THAP12: variants seen among roughly 807,000 people sequenced by gnomAD.
THAP12 encodes the protein THAP domain containing 12.
In THAP12, 20 loss-of-function variants were observed where a neutral mutation model predicts 63.0. The observed-to-expected ratio is 0.32, with a 90% CI of 0.22 to 0.46. THAP12 has a LOEUF of 0.46. Ranked by LOEUF, THAP12 falls within the 20% of genes least tolerant of loss-of-function variation. THAP12 has a pLI of 1.00. For missense variants in THAP12, 568 were observed against 908.2 expected (o/e 0.63, Z 4.81); for synonymous variants, 264 against 328.4 (o/e 0.80, Z 2.12).
chr11:76,354,673 T>C (rs1477958741), intron 4 of THAP12, among the ~76,000 whole-genome samples: 1 of 152,158 alleles, frequency 6.6e-6, no homozygotes, highest in African/African-American at 2.4e-5. Flanking sequence ...AGTGTTACCT[T>C]TTCTAATCCA....
At position 76,365,867 on chromosome 11, in the gene THAP12, A is replaced by G. The variant is rs373244723; in HGVS notation, c.195T>C (p.Ser65=). Residue 65 remains serine (S), a synonymous_variant, in exon 2 of 5, where the codon TCT becomes TCC. Transcript: ENST00000260045. ...TATTACTCACAGTTCTACAGATCAT[A>G]GAGGTCTCAAAATGTTTGGCACATA... is the stretch of plus-strand genomic sequence containing the variant. ...YRLCAKHFET[S]MICRTSPYRT... 6.2e-7 allele frequency: 1 copy of G among 1,612,984 alleles called. No homozygotes were observed. The highest frequency in any genetic ancestry group is 8.5e-7 in the Non-Finnish European group (1 of 1,179,544).
At chr11:76,360,839 C>T (rs1193222964) in intron 3 of THAP12, 117 bp downstream of exon 3, 3 of 698,876 alleles carry the variant, frequency 4.3e-6, no homozygotes, top group Non-Finnish European at 4.8e-6. Flanking sequence ...ATTTATTTCC[C>T]GTTACATTAC....
intron 1 of THAP12, among the ~76,000 whole-genome samples, chr11:76,373,007 T>A (rs1946684829): frequency 6.6e-6 from 1 of 152,212 alleles, no homozygotes; most frequent in Admixed American, 6.5e-5. Flanking sequence ...AGCTAACCTC[T>A]CTGTACCTAC....
In THAP12 at chr11:76,356,781, G is replaced by A. The variant is rs1294515349; in HGVS notation, c.319-1127C>T. 8 of 152,110 alleles carry A rather than the reference G, an allele frequency of 5.3e-5. No homozygotes were observed. In the East Asian group the frequency reaches 9.6e-4, roughly 18 times the overall value. The allele number at this position is 152,110 out of a possible 1,614,324, so 9.4% of individuals were successfully genotyped here. A position where few individuals can be genotyped will look rare whatever the true frequency, so the allele number is the denominator to read the frequency against. On this transcript the variant is annotated intron_variant, in intron 3 of 4. Transcript: ENST00000260045. ...GGTTGTGCCGGGCATGGTGGCTCACGTCTGTAATCCCAGCACTTTGGGAAG... is the reference window on the plus strand; with the variant it reads ...GGTTGTGCCGGGCATGGTGGCTCACATCTGTAATCCCAGCACTTTGGGAAG...
intron 1 of THAP12, 51 bp downstream of exon 1, chr11:76,380,697 C>T: frequency 1.6e-6 from 2 of 1,287,080 alleles, no homozygotes; most frequent in Non-Finnish European, 2.0e-6. Context: ...CGGCTGGCAG[C>T]GCTCACCGCG....
chr11:76,362,646 G>A (rs910258179), intron 2 of THAP12, among the ~76,000 whole-genome samples: 4 of 152,096 alleles, frequency 2.6e-5, no homozygotes, highest in Admixed American at 6.6e-5. Context: ...CTTTCACACC[G>A]AGCAAATGTC....
chr11:76,361,291 T>G (rs925252011), intron 2 of THAP12: 1 of 431,126 alleles, frequency 2.3e-6, no homozygotes, highest in African/African-American at 2.0e-5. Flanking sequence ...AAGGTAGGCA[T>G]AAAATATAAA....
intron 1 of THAP12, among the ~76,000 whole-genome samples, chr11:76,370,697 T>A (rs1222883577): frequency 5.9e-5 from 9 of 151,414 alleles, no homozygotes; most frequent in Admixed American, 5.9e-4. Flanking sequence ...AATAAAATTA[T>A]AAAAATTATA....
chr11:76,365,428 A>C (rs1946624901), intron 2 of THAP12, among the ~76,000 whole-genome samples: 1 of 152,016 alleles, frequency 6.6e-6, no homozygotes, highest in Non-Finnish European at 1.5e-5. Flanking sequence ...TCTGTCGCCC[A>C]GAGTGGAGTG....
intron 3 of THAP12, among the ~76,000 whole-genome samples, chr11:76,360,077 G>A (rs551417116): frequency 6.6e-6 from 1 of 152,286 alleles, no homozygotes; most frequent in South Asian, 2.1e-4. Flanking sequence ...AACAGACCAT[G>A]TTGGGAAAAC....
rs185698865 is a variant in THAP12 at position 76,374,293 on chromosome 11, T to C, written c.89+6455A>G. ...ATAGTCTATCTTGCACTTTTATCCA[T>C]GTATGTCTCTGTAAAACCATAAATT... is the stretch of plus-strand genomic sequence containing the variant. On this transcript the variant is annotated intron_variant, in intron 1 of 4. Coordinates refer to ENST00000260045, the MANE Select transcript of THAP12 (RefSeq NM_004705.4). Among the ~76,000 whole-genome samples, 4 of 152,192 alleles carry C rather than the reference T, an allele frequency of 2.6e-5. No individual in the cohort carries two copies. In the South Asian group the frequency reaches 6.2e-4, roughly 24 times the overall value.
chr11:76,360,622 T>TG (rs1310798567), intron 3 of THAP12, among the ~76,000 whole-genome samples: 2 of 152,230 alleles, frequency 1.3e-5, no homozygotes, highest in Non-Finnish European at 2.9e-5. Context: ...TGCTGAACTC[T>TG]GGAAACACCT....
chr11:76,364,462 A>T (rs1401894051), intron 2 of THAP12: 1 of 436,140 alleles, frequency 2.3e-6, no homozygotes, highest in Non-Finnish European at 4.6e-6. Context: ...AAATTGCTGC[A>T]TAACAACATA....
intron 1 of THAP12, among the ~76,000 whole-genome samples, chr11:76,374,546 CTTGT>C (rs1003409242): frequency 2.6e-5 from 4 of 152,082 alleles, no homozygotes; most frequent in African/African-American, 9.7e-5. Flanking sequence ...AAGTGGCAGG[CTTGT>C]TTATTTCTGA....
chr11:76,363,558 T>C (rs139100144), intron 2 of THAP12, among the ~76,000 whole-genome samples: 1 of 149,454 alleles, frequency 6.7e-6, no homozygotes, highest in East Asian at 2.0e-4. Flanking sequence ...CTCTTAAACA[T>C]TTAGATACAG....
At position 76,353,222 on chromosome 11, in the gene THAP12, T is replaced by C. The variant is rs546753039; in HGVS notation, c.356-428A>G. On this transcript the variant is annotated intron_variant, in intron 4 of 4. Transcript: ENST00000260045. ...TACACTTAACAAGACTTTCCACATATGTAATGAATGACAGTCCATGCCCTC... is the reference window on the plus strand; with the variant it reads ...TACACTTAACAAGACTTTCCACATACGTAATGAATGACAGTCCATGCCCTC... Among the ~76,000 whole-genome samples the C allele has an allele frequency of 2.2e-4, 33 of 152,298 alleles. No individual in the cohort carries two copies. In the South Asian group the frequency reaches 6.6e-3, roughly 31 times the overall value.
chr11:76,369,191 A>C (rs1946653304), intron 1 of THAP12, among the ~76,000 whole-genome samples: 1 of 152,224 alleles, frequency 6.6e-6, no homozygotes, highest in African/African-American at 2.4e-5. Context: ...AGCCAAAACA[A>C]ATTACTACAT....
At chr11:76,366,063 C>T (rs762866425) in intron 1 of THAP12, 91 bp from the exon 2 acceptor site, 16 of 1,357,926 alleles carry the variant, frequency 1.2e-5, no homozygotes, top group African/African-American at 1.0e-4. Context: ...TTAATAACAA[C>T]GGATTCCTGC....
At chr11:76,373,182 CAAAAAATAT>C (rs200259609) in intron 1 of THAP12, among the ~76,000 whole-genome samples, 12 of 145,338 alleles carry the variant, frequency 8.3e-5, no homozygotes, top group African/African-American at 3.1e-4. Flanking sequence ...CCTGTCTCTA[CAAAAAATAT>C]AAAAATTAGC....
Sources: gnomAD v4.1 joint callset for allele counts (sites outside exome capture counted in the v4.1 genomes callset) on GRCh38, gnomAD v4.1.1 for gene constraint, MANE v1.5 for transcripts, NCBI Gene and HGNC (gene_info 2026-07-23, HGNC 2026-07-21) for gene names.